SPAM1: variants seen among roughly 807,000 people sequenced by gnomAD.
SPAM1 encodes the protein sperm adhesion molecule 1, also known as hyaluronidase PH-20.
Under a neutral mutation model 29.6 loss-of-function variants are expected in SPAM1, and 22 were observed. The observed-to-expected ratio is 0.74, with a 90% CI of 0.53 to 1.06. SPAM1 has a LOEUF of 1.06. SPAM1 is among the 50% of genes least tolerant of loss of function. The pLI is 0.00. For synonymous variants in SPAM1, 194 were observed against 204.6 expected (o/e 0.95, Z 0.44); for missense variants, 534 against 604.0 (o/e 0.88, Z 1.21).
At chr7:123,944,750 A>T (rs1233516380) in intron 1 of SPAM1, among the ~76,000 whole-genome samples, 1 of 152,110 alleles carries the variant, frequency 6.6e-6, no homozygotes, top group Non-Finnish European at 1.5e-5. Flanking sequence ...CAAAGAAAAA[A>T]CTTACAGTAG....
rs1792163418 is a variant in SPAM1, at chr7:123,953,502, G to A, written c.-69G>A. 2 of 866,396 alleles carry A rather than the reference G, an allele frequency of 2.3e-6. No individual in the cohort carries two copies. Among genetic ancestry groups the A allele is most frequent in the African/African-American group, 3.4e-5 (2 of 58,868 alleles). The allele number at this position is 866,396 out of a possible 1,614,324, so 53.7% of individuals were successfully genotyped here. ...TCCCTTTCATCTGTGCTCATACTTT[G>A]CATCAGATATTGGGTAAACCAAAGT... On this transcript the variant is annotated 5_prime_UTR_variant, in exon 3 of 5. Transcript: ENST00000682466.
At chr7:123,939,933 T>A (rs1808377409) in intron 1 of SPAM1, among the ~76,000 whole-genome samples, 1 of 152,192 alleles carries the variant, frequency 6.6e-6, no homozygotes, top group Admixed American at 6.5e-5. Flanking sequence ...CTCTTAGTAA[T>A]TTTCTATCCT....
chr7:123,954,462 C>G lies in SPAM1; in HGVS notation c.892C>G (p.Leu298Val). The change falls in exon 3 of 5, where the codon CTT (leucine) becomes GTT (valine). Residue 298 changes from leucine (L) to valine (V), a missense_variant. Coordinates refer to ENST00000682466, the MANE Select transcript of SPAM1 (RefSeq NM_153189.3). ...CAAAATACCTGATGCAAAAAGTCCACTTCCGGTTTTTGCATATACCCGCAT... is the reference window on the plus strand; with the variant it reads ...CAAAATACCTGATGCAAAAAGTCCAGTTCCGGTTTTTGCATATACCCGCAT... ...VSKIPDAKSP[L>V]PVFAYTRIVF... 1 of 1,613,182 alleles carries G rather than the reference C, an allele frequency of 6.2e-7. No individual in the cohort carries two copies. The highest frequency in any genetic ancestry group is 8.5e-7 in the Non-Finnish European group (1 of 1,179,524).
At chr7:123,926,717 T>C (rs893784411) in intron 1 of SPAM1, among the ~76,000 whole-genome samples, 2 of 152,180 alleles carry the variant, frequency 1.3e-5, no homozygotes, top group Admixed American at 1.3e-4. Flanking sequence ...TTCTAGCTTA[T>C]AGATAAGTTT....
chr7:123,954,586 T>C, intron 3 of SPAM1, 62 bp downstream of exon 3: 1 of 1,152,150 alleles, frequency 8.7e-7, no homozygotes, highest in South Asian at 1.6e-5. Flanking sequence ...GATTGAAATT[T>C]AATATTATTT....
chr7:123,926,740 G>A (rs1018766620), intron 1 of SPAM1, among the ~76,000 whole-genome samples: 24 of 152,308 alleles, frequency 1.6e-4, no homozygotes, highest in African/African-American at 5.5e-4. Context: ...AGATTTTCTG[G>A]CTGACAATTG....
At chr7:123,959,056 G>A (rs925918722) in intron 4 of SPAM1, among the ~76,000 whole-genome samples, 2 of 151,946 alleles carry the variant, frequency 1.3e-5, no homozygotes, top group African/African-American at 4.8e-5. Context: ...TTTGCCCAAA[G>A]TCACCCAGAT....
chr7:123,961,139 T>C (rs1443090666), downstream of SPAM1, among the ~76,000 whole-genome samples: 1 of 151,960 alleles, frequency 6.6e-6, no homozygotes, highest in Non-Finnish European at 1.5e-5. Context: ...GTAATAAGGA[T>C]AACCAGTACC....
At position 123,954,138 on chromosome 7, in the gene SPAM1, C is replaced by T. The variant is rs149929945; in HGVS notation, c.568C>T (p.Gln190Ter). The change falls in exon 3 of 5, where the codon CAA (glutamine) becomes TAA (stop). Residue 190 changes from glutamine to a stop codon, truncating the protein, a stop_gained. Coordinates refer to ENST00000682466, the MANE Select transcript of SPAM1 (RefSeq NM_153189.3). LOFTEE classifies it high-confidence loss of function. ...CACAGAGGCCACTGAGAAAGCAAAA[C>T]AAGAATTTGAAAAGGCAGGGAAGGA... ...SLTEATEKAK[Q>*]EFEKAGKDFL... The T allele has an allele frequency of 2.3e-5, 37 of 1,612,370 alleles. No homozygotes were observed. The East Asian group carries it at 4.0e-4, about 17-fold the overall frequency.
intron 5 of SPAM1, among the ~76,000 whole-genome samples, chr7:123,969,495 C>T (rs1340234420): frequency 6.6e-6 from 1 of 151,958 alleles, no homozygotes. Context: ...CATTCTCGTT[C>T]TTCTGCATAT....
At position 123,955,015 on chromosome 7, in the gene SPAM1, T is replaced by C. The variant is rs892657593; in HGVS notation, c.973T>C (p.Phe325Leu). The change falls in exon 4 of 5, where the codon TTT becomes CTT. Residue 325 changes from phenylalanine (F) to leucine (L), a missense_variant. By Grantham distance (22) the Phe-to-Leu change is conservative. Coordinates refer to ENST00000682466, the MANE Select transcript of SPAM1 (RefSeq NM_153189.3). Reference sequence around the variant, plus strand: ...TTTCCAGGATGAACTTGTGTATACATTTGGCGAAACTGTTGCTCTGGGTGC... The same window carrying C: ...TTTCCAGGATGAACTTGTGTATACACTTGGCGAAACTGTTGCTCTGGGTGC... ...FLSQDELVYTFGETVALGASG... is the reference protein window; with the variant it reads ...FLSQDELVYTLGETVALGASG... 1.9e-6 allele frequency: 3 copies of C among 1,611,246 alleles called. No homozygotes were observed. The highest frequency in any genetic ancestry group is 2.5e-6 in the Non-Finnish European group (3 of 1,177,862).
chr7:123,961,461 T>A (rs1792357669), downstream of SPAM1, among the ~76,000 whole-genome samples: 1 of 151,988 alleles, frequency 6.6e-6, no homozygotes. Context: ...GATAATGGCC[T>A]CTAGTTCCAT....
intron 1 of SPAM1, among the ~76,000 whole-genome samples, chr7:123,949,074 A>C (rs1418577145): frequency 6.6e-6 from 1 of 151,624 alleles, no homozygotes; most frequent in Non-Finnish European, 1.5e-5. Flanking sequence ...ACTCAGTAAA[A>C]TTTATTTGAA....
chr7:123,935,015 T>C (rs986979507), intron 1 of SPAM1, among the ~76,000 whole-genome samples: 5 of 152,190 alleles, frequency 3.3e-5, no homozygotes, highest in Non-Finnish European at 5.9e-5. Context: ...ATATGAATGA[T>C]GAATTAGATG....
At chr7:123,947,276 G>A (rs1467143066) in intron 1 of SPAM1, among the ~76,000 whole-genome samples, 2 of 152,066 alleles carry the variant, frequency 1.3e-5, no homozygotes, top group Non-Finnish European at 2.9e-5. Context: ...AAGTCCAGGT[G>A]CATGGCTCAA....
At position 123,953,940 on chromosome 7, in the gene SPAM1, C is replaced by T; in HGVS notation, c.370C>T (p.Leu124=). The T allele has an allele frequency of 6.2e-7, 1 of 1,613,744 alleles. No individual in the cohort carries two copies. Among genetic ancestry groups the T allele is most frequent in the Admixed American group, 1.7e-5 (1 of 59,910 alleles). The part of the protein sequence containing the change: ...IPQKISLQDH[L]DKAKKDITFY... The stretch of plus-strand genomic sequence containing the variant: ...CCAGAAGATTTCCTTACAAGACCAT[C>T]TGGACAAAGCTAAGAAAGACATTAC... The change falls in exon 3 of 5, where the codon CTG becomes TTG. Residue 124 remains leucine (L), a synonymous_variant. Coordinates refer to ENST00000682466, the MANE Select transcript of SPAM1 (RefSeq NM_153189.3).
intron 2 of SPAM1, among the ~76,000 whole-genome samples, chr7:123,952,540 A>G (rs1262057247): frequency 6.6e-6 from 1 of 152,112 alleles, no homozygotes; most frequent in African/African-American, 2.4e-5. Context: ...CTTTGCCCAG[A>G]CCATTTTATT....
intron 1 of SPAM1, among the ~76,000 whole-genome samples, chr7:123,926,549 C>T (rs942470189): frequency 2.0e-5 from 3 of 152,110 alleles, no homozygotes; most frequent in Admixed American, 1.3e-4. Flanking sequence ...ATTATGGCCC[C>T]GTGACACAGC....
chr7:123,952,880 T>C (rs907484522), intron 2 of SPAM1, among the ~76,000 whole-genome samples: 2 of 123,058 alleles, frequency 1.6e-5, no homozygotes, highest in Non-Finnish European at 3.4e-5. Context: ...CAGAAGTGAG[T>C]TTGCTCCCCT....
Sources: allele counts gnomAD v4.1 joint callset (sites outside exome capture counted in the v4.1 genomes callset), GRCh38; gene constraint gnomAD v4.1.1; transcripts MANE v1.5; gene names NCBI Gene and HGNC (gene_info 2026-07-23, HGNC 2026-07-21).